The following GALNT13 variants were observed in gnomAD, a reference collection of about 807,000 sequenced individuals.
GALNT13 encodes the protein UDP-GalNAc:polypeptide N-acetylgalactosaminyltransferase 13.
In GALNT13, 28 loss-of-function variants were observed where a neutral mutation model predicts 64.2. The ratio of observed to expected loss-of-function variants is 0.44; its 90% CI spans 0.32 to 0.60. The LOEUF is 0.60. Among genes scored for constraint, GALNT13 ranks in the 20% least tolerant of loss-of-function variants. The pLI is 0.05. For missense variants in GALNT13, 577 were observed against 669.8 expected (o/e 0.86, Z 1.53); for synonymous variants, 214 against 224.6 (o/e 0.95, Z 0.42).
the GALNT13 span, among the ~76,000 whole-genome samples, chr2:153,538,326 C>CTTTTTTTTTTTTTTTTTATTTT: frequency 1.7e-4 from 17 of 100,806 alleles, no homozygotes; most frequent in South Asian, 3.3e-4. Context: ...TTTTTTAATT[C>CTTTTTTTTTTTTTTTTTATTTT]TTTTTTTTTT....
At chr2:153,683,605 T>A in the GALNT13 span, among the ~76,000 whole-genome samples, 39,401 of 151,454 alleles carry the variant, frequency 0.26, 5,957 homozygotes, top group Middle Eastern at 0.49. Context: ...ACGACATATT[T>A]TATTGGAAGA....
chr2:154,019,657 A>C (rs946125665), intron 3 of GALNT13, among the ~76,000 whole-genome samples: 34 of 143,958 alleles, frequency 2.4e-4, no homozygotes, highest in Admixed American at 2.1e-4. Context: ...CACACACAAA[A>C]GCAAGAAAAA....
chr2:154,014,695 C>G (rs1352618452), intron 3 of GALNT13, among the ~76,000 whole-genome samples: 1 of 125,554 alleles, frequency 8.0e-6, no homozygotes, highest in African/African-American at 3.0e-5. Context: ...TGCAGTGGCG[C>G]AATCTCAGCT....
At chr2:153,823,037 A>T in the GALNT13 span, among the ~76,000 whole-genome samples, 1 of 152,136 alleles carries the variant, frequency 6.6e-6, no homozygotes, top group Non-Finnish European at 1.5e-5. Flanking sequence ...CACACACAAA[A>T]AATAAAATAC....
chr2:153,438,280 T>C, the GALNT13 span, among the ~76,000 whole-genome samples: 2 of 152,216 alleles, frequency 1.3e-5, no homozygotes, highest in Admixed American at 6.5e-5. Context: ...ATTTCAACTT[T>C]GGTGAATCTG....
At chr2:153,113,276 G>A in the GALNT13 span, among the ~76,000 whole-genome samples, 1 of 151,942 alleles carries the variant, frequency 6.6e-6, no homozygotes, top group African/African-American at 2.4e-5. Flanking sequence ...CTAGGCAGGA[G>A]GACAGCTTTT....
chr2:153,353,556 CA>C, the GALNT13 span, among the ~76,000 whole-genome samples: 2 of 150,958 alleles, frequency 1.3e-5, 1 homozygote, highest in Admixed American at 1.3e-4. Context: ...TTGAGTTTTT[CA>C]CTCTTAAGCA....
the GALNT13 span, among the ~76,000 whole-genome samples, chr2:153,800,045 GCTCTCTCTCTCTCTCTCT>G: frequency 3.4e-5 from 4 of 118,928 alleles, no homozygotes; most frequent in African/African-American, 1.2e-4. Context: ...CATTTAGTTT[GCTCTCTCTCTCTCTCTCT>G]CTCTCTCTCT....
At chr2:153,438,979 G>A in the GALNT13 span, among the ~76,000 whole-genome samples, 2 of 152,086 alleles carry the variant, frequency 1.3e-5, no homozygotes, top group African/African-American at 4.8e-5. Flanking sequence ...TGATGATGGT[G>A]ACGTACAGAT....
At chr2:154,166,282 G>A (rs1685018345) in intron 4 of GALNT13, among the ~76,000 whole-genome samples, 1 of 152,120 alleles carries the variant, frequency 6.6e-6, no homozygotes, top group South Asian at 2.1e-4. Context: ...GCATGTGCCT[G>A]TAATCCTAGC....
At chr2:153,311,201 G>A in the GALNT13 span, among the ~76,000 whole-genome samples, 2 of 152,120 alleles carry the variant, frequency 1.3e-5, no homozygotes, top group Non-Finnish European at 2.9e-5. Context: ...CATATACAGT[G>A]CAAGTTTTGG....
At chr2:153,169,965 T>G in the GALNT13 span, among the ~76,000 whole-genome samples, 25 of 152,190 alleles carry the variant, frequency 1.6e-4, no homozygotes, top group Non-Finnish European at 2.9e-4. Flanking sequence ...AAATTAAGCT[T>G]GGGAATATGT....
At chr2:153,436,925 C>T in the GALNT13 span, among the ~76,000 whole-genome samples, 1 of 152,030 alleles carries the variant, frequency 6.6e-6, no homozygotes, top group East Asian at 1.9e-4. Flanking sequence ...GTTAGGGTGT[C>T]AATTTTGGAT....
chr2:153,079,593 G>A, the GALNT13 span, among the ~76,000 whole-genome samples: 27,864 of 152,086 alleles, frequency 0.18, 3,466 homozygotes, highest in East Asian at 0.58. Flanking sequence ...AAATCAGGAC[G>A]GCTTATGTTT....
intron 4 of GALNT13, among the ~76,000 whole-genome samples, chr2:154,203,893 T>C (rs1687301385): frequency 6.6e-6 from 1 of 152,280 alleles, no homozygotes; most frequent in Non-Finnish European, 1.5e-5. Flanking sequence ...ATATAAAAAC[T>C]AAGTGGAATG....
At chr2:153,890,265 T>C (rs780540630) in intron 1 of GALNT13, among the ~76,000 whole-genome samples, 3 of 152,036 alleles carry the variant, frequency 2.0e-5, no homozygotes, top group Non-Finnish European at 4.4e-5. Flanking sequence ...TCCTTTTCTG[T>C]GTTTTAGTAA....
the GALNT13 span, among the ~76,000 whole-genome samples, chr2:153,680,615 G>T: frequency 1.3e-5 from 2 of 151,904 alleles, no homozygotes; most frequent in South Asian, 4.1e-4. Flanking sequence ...GATCACATCT[G>T]ATTTAAACAT....
At chr2:153,569,965 C>A in the GALNT13 span, among the ~76,000 whole-genome samples, 1 of 152,092 alleles carries the variant, frequency 6.6e-6, no homozygotes, top group Non-Finnish European at 1.5e-5. Context: ...CTGTGCCTGG[C>A]TTATTTCACT....
chr2:153,277,908 C>CTTTTCTTTTTTTTTTTTTTTTTTTTT, the GALNT13 span, among the ~76,000 whole-genome samples: 1 of 69,590 alleles, frequency 1.4e-5, no homozygotes, highest in African/African-American at 5.3e-5. Flanking sequence ...TTTCTTTTTT[C>CTTTTCTTTTTTTTTTTTTTTTTTTTT]TTTTGTTTTC....
Sources: allele counts gnomAD v4.1 joint callset (sites outside exome capture counted in the v4.1 genomes callset), GRCh38; gene constraint gnomAD v4.1.1; transcripts MANE v1.5; gene names NCBI Gene and HGNC (gene_info 2026-07-23, HGNC 2026-07-21).